EPHA3: variants seen among roughly 807,000 people sequenced by gnomAD.
The protein encoded by EPHA3 is ephrin type-A receptor 3.
Under a neutral mutation model 107.1 loss-of-function variants are expected in EPHA3, and 42 were observed. The observed-to-expected ratio is 0.39, with a 90% CI of 0.31 to 0.51. The LOEUF is 0.51. Ranked by LOEUF, EPHA3 falls within the 20% of genes least tolerant of loss-of-function variation. The pLI is 0.78. For missense variants in EPHA3, 1,183 were observed against 1,211.2 expected (o/e 0.98, Z 0.35); for synonymous variants, 461 against 424.8 (o/e 1.09, Z -1.05).
At chr3:89,330,908 C>T (rs1175747050) in intron 3 of EPHA3, among the ~76,000 whole-genome samples, 2 of 152,092 alleles carry the variant, frequency 1.3e-5, no homozygotes, top group Non-Finnish European at 2.9e-5. Context: ...TCAAAATTTT[C>T]TGTCAATTAT....
chr3:89,453,130 C>T (rs192833157), intron 15 of EPHA3, among the ~76,000 whole-genome samples: 1 of 152,182 alleles, frequency 6.6e-6, no homozygotes, highest in Non-Finnish European at 1.5e-5. Context: ...GGATAACAAA[C>T]CTGTCCTTTC....
At chr3:89,314,131 A>C (rs1460098231) in intron 3 of EPHA3, among the ~76,000 whole-genome samples, 3 of 151,962 alleles carry the variant, frequency 2.0e-5, no homozygotes, top group Non-Finnish European at 4.4e-5. Context: ...ACAGAAGTCA[A>C]ATATGTTTTG....
intron 5 of EPHA3, among the ~76,000 whole-genome samples, chr3:89,376,870 T>C (rs1708413986): frequency 6.6e-6 from 1 of 152,122 alleles, no homozygotes; most frequent in African/African-American, 2.4e-5. Flanking sequence ...GCTTTGAACA[T>C]ATGTTATTTT....
chr3:89,197,571 T>C (rs553345534), intron 2 of EPHA3, among the ~76,000 whole-genome samples: 59 of 152,268 alleles, frequency 3.9e-4, no homozygotes, highest in African/African-American at 1.4e-3. Context: ...AAGTGTCTAA[T>C]AAAATTACAG....
chr3:89,358,618 G>T (rs1162158901), intron 5 of EPHA3, among the ~76,000 whole-genome samples: 2 of 151,168 alleles, frequency 1.3e-5, no homozygotes, highest in African/African-American at 4.8e-5. Context: ...GCTGCCAAGA[G>T]AATTCAAAAA....
At chr3:89,367,091 T>C (rs139309254) in intron 5 of EPHA3, among the ~76,000 whole-genome samples, 1 of 150,796 alleles carries the variant, frequency 6.6e-6, no homozygotes, top group Non-Finnish European at 1.5e-5. Context: ...TTTTACAAAG[T>C]ACCTTAATCC....
At chr3:89,327,378 T>A (rs2107391197) in intron 3 of EPHA3, among the ~76,000 whole-genome samples, 1 of 152,282 alleles carries the variant, frequency 6.6e-6, no homozygotes, top group Non-Finnish European at 1.5e-5. Context: ...TGAGTTCAAA[T>A]GATTTTATAG....
chr3:89,390,720 A>G (rs1428891299), intron 5 of EPHA3, among the ~76,000 whole-genome samples: 1 of 151,652 alleles, frequency 6.6e-6, no homozygotes, highest in African/African-American at 2.4e-5. Flanking sequence ...GGAAGAAAAC[A>G]CTGTGAGCAA....
intron 2 of EPHA3, among the ~76,000 whole-genome samples, chr3:89,152,958 A>T (rs1367770318): frequency 6.6e-6 from 1 of 152,062 alleles, no homozygotes; most frequent in Admixed American, 6.6e-5. Context: ...TTTTTTGTCT[A>T]CTATTTCATA....
At chr3:89,249,609 T>A (rs1705114406) in intron 3 of EPHA3, among the ~76,000 whole-genome samples, 1 of 151,970 alleles carries the variant, frequency 6.6e-6, no homozygotes. Flanking sequence ...TACAGTCGTA[T>A]GCCACCATGC....
intron 15 of EPHA3, among the ~76,000 whole-genome samples, chr3:89,451,596 T>A (rs1481037545): frequency 6.6e-6 from 1 of 152,192 alleles, no homozygotes; most frequent in South Asian, 2.1e-4. Context: ...TTGGGACCTC[T>A]AGCTATGTGC....
intron 2 of EPHA3, among the ~76,000 whole-genome samples, chr3:89,209,286 G>A (rs1395951418): frequency 6.6e-6 from 1 of 152,022 alleles, no homozygotes; most frequent in Non-Finnish European, 1.5e-5. Context: ...TGTGGGGTGA[G>A]GAACATTTCT....
intron 3 of EPHA3, among the ~76,000 whole-genome samples, chr3:89,233,097 A>G (rs958643238): frequency 2.6e-5 from 4 of 152,322 alleles, no homozygotes; most frequent in African/African-American, 4.8e-5. Flanking sequence ...TACAAGGTAC[A>G]GAGACATCTC....
At position 89,210,445 on chromosome 3, in the gene EPHA3, G is replaced by A; in HGVS notation, c.739G>A (p.Glu247Lys). The A allele has an allele frequency of 6.2e-7, 1 of 1,611,020 alleles. No individual in the cohort carries two copies. The highest frequency in any genetic ancestry group is 8.5e-7 in the Non-Finnish European group (1 of 1,178,610). Reference sequence around the variant, plus strand: ...TCCTCCAAGGATGTACTGCAGTACAGAAGGCGAATGGCTTGTACCCATTGG... The same window carrying A: ...TCCTCCAAGGATGTACTGCAGTACAAAAGGCGAATGGCTTGTACCCATTGG... ...EDPPRMYCST[E>K]GEWLVPIGKC... is the part of the protein sequence containing the mutation. Residue 247 changes from glutamate (E) to lysine (K), a missense_variant, in exon 3 of 17, where the codon GAA becomes AAA. By Grantham distance (56) the Glu-to-Lys change is moderately conservative (BLOSUM62 1). Coordinates refer to ENST00000336596, the MANE Select transcript of EPHA3 (RefSeq NM_005233.6).
At chr3:89,195,438 G>A (rs1043416259) in intron 2 of EPHA3, among the ~76,000 whole-genome samples, 1 of 152,106 alleles carries the variant, frequency 6.6e-6, no homozygotes, top group Non-Finnish European at 1.5e-5. Flanking sequence ...GTAGATGATG[G>A]CACCTGCAGC....
At chr3:89,352,955 T>A (rs1276367373) in intron 5 of EPHA3, among the ~76,000 whole-genome samples, 4 of 148,580 alleles carry the variant, frequency 2.7e-5, no homozygotes, top group Admixed American at 1.3e-4. Flanking sequence ...ATCCACAGTA[T>A]TTTTTTGCAT....
At chr3:89,143,991 C>T (rs1559750810) in intron 2 of EPHA3, among the ~76,000 whole-genome samples, 1 of 151,532 alleles carries the variant, frequency 6.6e-6, no homozygotes, top group South Asian at 2.1e-4. Flanking sequence ...ATATATTCCC[C>T]ATTTACCCCC....
intron 2 of EPHA3, among the ~76,000 whole-genome samples, chr3:89,209,158 T>C (rs891352554): frequency 2.0e-5 from 3 of 152,090 alleles, no homozygotes; most frequent in African/African-American, 7.3e-5. Flanking sequence ...ACCCCAAATA[T>C]CTATCTATTT....
At chr3:89,471,374 C>A (rs1055723858) in intron 15 of EPHA3, among the ~76,000 whole-genome samples, 4 of 151,840 alleles carry the variant, frequency 2.6e-5, no homozygotes, top group African/African-American at 9.7e-5. Flanking sequence ...TTTTCTTTCT[C>A]TCTTTCTTTT....
Sources: allele counts gnomAD v4.1 joint callset (sites outside exome capture counted in the v4.1 genomes callset), GRCh38; gene constraint gnomAD v4.1.1; transcripts MANE v1.5; gene names NCBI Gene and HGNC (gene_info 2026-07-23, HGNC 2026-07-21).